RASGRF2: variants seen among roughly 807,000 people sequenced by gnomAD.
RASGRF2 encodes the protein ras-specific guanine nucleotide-releasing factor 2.
In RASGRF2, 76 loss-of-function variants were observed where a neutral mutation model predicts 151.0. The observed-to-expected ratio is 0.50, with a 90% confidence interval of 0.42 to 0.61. The LOEUF (loss-of-function observed/expected upper bound fraction) is 0.61. RASGRF2 is among the 20% of genes least tolerant of loss of function. RASGRF2 has a pLI of 0.00. For synonymous variants in RASGRF2, 504 were observed against 566.5 expected, an observed-to-expected ratio of 0.89 and a Z score of 1.57; for missense variants, 1,148 against 1,564.6, an observed-to-expected ratio of 0.73 and a Z score of 4.49.
chr5:81,176,088 C>T (rs1259329223), intron 17 of RASGRF2, among the ~76,000 whole-genome samples: 1 of 152,184 alleles, frequency 6.6e-6, no homozygotes, highest in Non-Finnish European at 1.5e-5. Context: ...ATGACATAGA[C>T]ATCGAGGTCC....
At chr5:80,998,123 T>C (rs1188853702) in intron 1 of RASGRF2, 1 of 152,166 alleles carries the variant, frequency 6.6e-6, no homozygotes, top group Non-Finnish European at 1.5e-5. Flanking sequence ...CCTGAGGACA[T>C]TGTGTTTGCT....
intron 9 of RASGRF2, among the ~76,000 whole-genome samples, chr5:81,089,970 C>T (rs1752343495): frequency 6.6e-6 from 1 of 152,186 alleles, no homozygotes; most frequent in African/African-American, 2.4e-5. Flanking sequence ...TCTAAGCTGA[C>T]ATTTTGTACA....
At chr5:81,012,862 C>T (rs574034392) in intron 1 of RASGRF2, among the ~76,000 whole-genome samples, 2 of 152,130 alleles carry the variant, frequency 1.3e-5, no homozygotes, top group East Asian at 1.9e-4. Flanking sequence ...GTGACAAGGT[C>T]GTGCACCTGG....
chr5:80,992,548 T>C (rs982778944), intron 1 of RASGRF2, among the ~76,000 whole-genome samples: 2 of 152,246 alleles, frequency 1.3e-5, no homozygotes, highest in African/African-American at 4.8e-5. Context: ...AGAAACTCTC[T>C]GACAAACAGA....
rs1247478410 is a variant in RASGRF2 at position 81,127,101 on chromosome 5, CTG to C, written c.2626_2627del (p.Val876PhefsTer22). 6.2e-7 allele frequency: 1 copy of C among 1,614,000 alleles called. No individual in the cohort carries two copies. The highest frequency in any genetic ancestry group is 8.5e-7 in the Non-Finnish European group (1 of 1,180,000). On this transcript the variant is annotated frameshift_variant, in exon 17 of 27. Coordinates refer to ENST00000265080, the MANE Select transcript of RASGRF2 (RefSeq NM_006909.3). LOFTEE classifies it high-confidence loss of function. The stretch of plus-strand genomic sequence containing the variant: ...CAGACGGCGGACAATGCCCACTGCT[CTG>C]TTTCACCGGCTTCTGCTTTTGCAAT...
At chr5:80,987,963 A>C (rs1480508388) in intron 1 of RASGRF2, among the ~76,000 whole-genome samples, 1 of 135,642 alleles carries the variant, frequency 7.4e-6, no homozygotes, top group African/African-American at 2.8e-5. Context: ...TTTCATTTGT[A>C]CCACATTATC....
intron 25 of RASGRF2, among the ~76,000 whole-genome samples, chr5:81,218,153 G>T (rs1755785516): frequency 6.6e-6 from 1 of 152,170 alleles, no homozygotes. Context: ...CAAAGTGCTG[G>T]GATTACAGGC....
intron 20 of RASGRF2, 112 bp downstream of exon 20, chr5:81,207,017 T>C: frequency 1.0e-6 from 1 of 973,218 alleles, no homozygotes; most frequent in Non-Finnish European, 1.6e-6. Context: ...CCCTCTGTCC[T>C]ATCTGTGAAG....
chr5:81,087,514 T>C, intron 9 of RASGRF2: 1 of 601,064 alleles, frequency 1.7e-6, no homozygotes, highest in East Asian at 2.8e-5. Context: ...GCTGTCGTGT[T>C]TGCGAAGTGT....
chr5:81,221,092 A>G (rs1679941022), intron 26 of RASGRF2, among the ~76,000 whole-genome samples: 1 of 152,178 alleles, frequency 6.6e-6, no homozygotes, highest in African/African-American at 2.4e-5. Context: ...ACATCATATC[A>G]GGGGTTATAT....
At chr5:80,983,411 A>G (rs900283314) in intron 1 of RASGRF2, among the ~76,000 whole-genome samples, 4 of 152,182 alleles carry the variant, frequency 2.6e-5, no homozygotes, top group African/African-American at 9.7e-5. Context: ...GATCTGGTGA[A>G]ACTGATGGCA....
chr5:81,135,261 C>T (rs191590305), intron 17 of RASGRF2, among the ~76,000 whole-genome samples: 1 of 152,030 alleles, frequency 6.6e-6, no homozygotes, highest in Non-Finnish European at 1.5e-5. Flanking sequence ...GAGTAATGAT[C>T]GTGCTCCATC....
At chr5:81,011,161 C>A (rs1393707934) in intron 1 of RASGRF2, among the ~76,000 whole-genome samples, 1 of 152,046 alleles carries the variant, frequency 6.6e-6, no homozygotes, top group Admixed American at 6.6e-5. Context: ...GGTATATTTA[C>A]TTCCAGTTAC....
intron 9 of RASGRF2, among the ~76,000 whole-genome samples, chr5:81,088,733 A>G (rs1177794600): frequency 1.3e-5 from 2 of 152,340 alleles, no homozygotes; most frequent in Admixed American, 6.5e-5. Context: ...ACCCACAAAC[A>G]TACTATATTG....
intron 10 of RASGRF2, among the ~76,000 whole-genome samples, chr5:81,093,662 G>A (rs989858289): frequency 6.6e-6 from 1 of 152,154 alleles, no homozygotes; most frequent in Non-Finnish European, 1.5e-5. Context: ...TGATCCTCCT[G>A]CCTTGGCCTC....
At chr5:81,134,778 C>G (rs1753714255) in intron 17 of RASGRF2, among the ~76,000 whole-genome samples, 2 of 152,150 alleles carry the variant, frequency 1.3e-5, no homozygotes, top group African/African-American at 2.4e-5. Flanking sequence ...CAACCTTTAT[C>G]TTTTGGTAGT....
chr5:81,073,355 A>G lies in RASGRF2; in HGVS notation c.790A>G (p.Ile264Val), dbSNP rs753391473. The change falls in exon 5 of 27, where the codon ATC becomes GTC. Residue 264 changes from isoleucine (I) to valine (V), a missense_variant. Physicochemically the swap from Ile to Val is conservative, Grantham distance 29 (BLOSUM62 3). Around this residue, in one of 5 missense-constraint regions of RASGRF2, gnomAD observed 176 missense variants for 309.6 expected, o/e 0.57. Transcript: ENST00000265080. ...AESEYVHQLY[I>V]LVNGFLRPLR... The stretch of plus-strand genomic sequence containing the variant: ...GTCAGAGTACGTTCACCAGCTCTAC[A>G]TCCTGGTCAATGGCTTTCTCCGGCC... 6.2e-7 allele frequency: 1 copy of G among 1,614,164 alleles called. No individual in the cohort carries two copies. Among genetic ancestry groups the G allele is most frequent in the Non-Finnish European group, 8.5e-7 (1 of 1,180,000 alleles).
At chr5:81,134,601 G>C (rs1426660087) in intron 17 of RASGRF2, among the ~76,000 whole-genome samples, 2 of 152,130 alleles carry the variant, frequency 1.3e-5, no homozygotes, top group African/African-American at 4.8e-5. Context: ...TCTTTTACAG[G>C]CTCTTTAGTT....
intron 26 of RASGRF2, among the ~76,000 whole-genome samples, chr5:81,221,383 T>C (rs1755853543): frequency 6.6e-6 from 1 of 152,206 alleles, no homozygotes; most frequent in African/African-American, 2.4e-5. Context: ...TATATCAGTA[T>C]GGACTAATGG....
Sources: gnomAD v4.1 joint callset for allele counts (sites outside exome capture counted in the v4.1 genomes callset) on GRCh38, gnomAD v4.1.1 for gene constraint, gnomAD v4.1.1 regional missense constraint, MANE v1.5 for transcripts, NCBI Gene and HGNC (gene_info 2026-07-23, HGNC 2026-07-21) for gene names.